The following CCDC169 variants were observed in gnomAD, a reference collection of about 807,000 sequenced individuals.
The protein encoded by CCDC169 is coiled-coil domain-containing protein 169.
Under a neutral mutation model 36.0 loss-of-function variants are expected in CCDC169, and 30 were observed. That is an observed-to-expected ratio of 0.83 (90% CI 0.62 to 1.13). The LOEUF is 1.13. Among genes scored for constraint, CCDC169 ranks in the 50% most tolerant of loss-of-function variants. The probability of loss-of-function intolerance (pLI) is 0.00; values close to 1 mark genes in which losing one functional copy is unlikely to be tolerated. For missense variants in CCDC169, 245 were observed against 245.9 expected (o/e 1.00, Z 0.03); for synonymous variants, 85 against 81.5 (o/e 1.04, Z -0.23).
intron 2 of CCDC169, among the ~76,000 whole-genome samples, chr13:36,292,622 T>C (rs919825497): frequency 6.6e-6 from 1 of 152,142 alleles, no homozygotes. Flanking sequence ...ACAAGCAAGA[T>C]CAAACAATAA....
intron 4 of CCDC169, among the ~76,000 whole-genome samples, chr13:36,262,166 A>G (rs1267133345): frequency 6.6e-6 from 1 of 152,016 alleles, no homozygotes; most frequent in Non-Finnish European, 1.5e-5. Flanking sequence ...TAACAATTAA[A>G]CCTCCTCTGC....
intron 4 of CCDC169, chr13:36,274,451 TA>T (rs1419130856): frequency 6.6e-6 from 1 of 152,168 alleles, no homozygotes; most frequent in Non-Finnish European, 1.5e-5. Context: ...GTTCATAACT[TA>T]ATGTTCTTGA....
At chr13:36,274,289 T>G (rs1325050736) in intron 4 of CCDC169, 1 of 152,200 alleles carries the variant, frequency 6.6e-6, no homozygotes, top group Non-Finnish European at 1.5e-5. Context: ...TATCCACTTA[T>G]AAATATACAT....
At chr13:36,263,728 C>G (rs964751908) in intron 4 of CCDC169, among the ~76,000 whole-genome samples, 7 of 152,256 alleles carry the variant, frequency 4.6e-5, no homozygotes, top group Admixed American at 1.3e-4. Context: ...TAATTACACA[C>G]TAGTATCATG....
downstream of CCDC169, chr13:36,227,033 C>G (rs1869912883): frequency 2.3e-6 from 1 of 431,612 alleles, no homozygotes; most frequent in South Asian, 9.4e-5. Flanking sequence ...AAGGTGAAGT[C>G]AGCTCGAGGA....
intron 2 of CCDC169, among the ~76,000 whole-genome samples, chr13:36,291,176 T>C (rs1878843407): frequency 6.6e-6 from 1 of 152,158 alleles, no homozygotes; most frequent in South Asian, 2.1e-4. Context: ...AAAATAGAGA[T>C]CACATAAGAC....
intron 7 of CCDC169, among the ~76,000 whole-genome samples, chr13:36,234,647 T>C (rs546724998): frequency 1.3e-5 from 2 of 152,192 alleles, no homozygotes; most frequent in South Asian, 2.1e-4. Flanking sequence ...TCAGAAACTA[T>C]GAAGGCCTGA....
intron 7 of CCDC169, among the ~76,000 whole-genome samples, chr13:36,247,568 C>T (rs1872659250): frequency 6.6e-6 from 1 of 152,124 alleles, no homozygotes; most frequent in South Asian, 2.1e-4. Context: ...GGGTGCAAGA[C>T]TTCAGTGGAG....
chr13:36,242,174 C>A (rs1464578004), intron 7 of CCDC169, among the ~76,000 whole-genome samples: 1 of 152,146 alleles, frequency 6.6e-6, no homozygotes, highest in African/African-American at 2.4e-5. Flanking sequence ...AGTGTGAAAA[C>A]AAACTAATAC....
chr13:36,269,978 G>A (rs1240238363), intron 4 of CCDC169, among the ~76,000 whole-genome samples: 6 of 152,122 alleles, frequency 3.9e-5, no homozygotes, highest in East Asian at 1.9e-4. Flanking sequence ...AGAGGAATCC[G>A]AACTATTGCT....
intron 2 of CCDC169, among the ~76,000 whole-genome samples, chr13:36,292,844 C>G (rs993691467): frequency 6.6e-6 from 1 of 152,054 alleles, no homozygotes; most frequent in Non-Finnish European, 1.5e-5. Context: ...AGAGGGCCAT[C>G]ACTACAGTGA....
chr13:36,240,750 G>T, intron 7 of CCDC169: 1 of 525,198 alleles, frequency 1.9e-6, no homozygotes, highest in South Asian at 1.9e-5. Context: ...CTATTCCTGT[G>T]GTATCAGTTT....
intron 4 of CCDC169, among the ~76,000 whole-genome samples, chr13:36,267,749 G>T (rs1047250245): frequency 2.0e-5 from 3 of 151,206 alleles, no homozygotes; most frequent in African/African-American, 7.3e-5. Context: ...AAGGTAAAAG[G>T]GTGCAAAAAG....
At chr13:36,266,702 A>G (rs1875364721) in intron 4 of CCDC169, among the ~76,000 whole-genome samples, 1 of 152,182 alleles carries the variant, frequency 6.6e-6, no homozygotes. Context: ...TAGGGTGTCA[A>G]TACAACTTAG....
At chr13:36,251,779 G>A (rs1294231287) in intron 6 of CCDC169, among the ~76,000 whole-genome samples, 1 of 152,124 alleles carries the variant, frequency 6.6e-6, no homozygotes, top group African/African-American at 2.4e-5. Context: ...AGCAATAAGG[G>A]ACCAAGAGGA....
chr13:36,231,870 A>T (rs1457952196), intron 7 of CCDC169, among the ~76,000 whole-genome samples: 1 of 152,006 alleles, frequency 6.6e-6, no homozygotes, highest in Non-Finnish European at 1.5e-5. Flanking sequence ...CATATATTGT[A>T]ATTTTGTTTT....
intron 4 of CCDC169, among the ~76,000 whole-genome samples, chr13:36,262,356 G>A (rs1874711168): frequency 6.6e-6 from 1 of 152,128 alleles, no homozygotes; most frequent in Admixed American, 6.5e-5. Context: ...GATCAATGAT[G>A]AACACCTCCA....
chr13:36,228,600 C>T (rs1870094495), downstream of CCDC169, among the ~76,000 whole-genome samples: 1 of 152,000 alleles, frequency 6.6e-6, no homozygotes, highest in East Asian at 1.9e-4. Flanking sequence ...TACTCTGTTG[C>T]CCACGCTGGA....
intron 2 of CCDC169, among the ~76,000 whole-genome samples, chr13:36,285,033 A>T (rs1282169135): frequency 6.6e-6 from 1 of 152,230 alleles, no homozygotes; most frequent in African/African-American, 2.4e-5. Flanking sequence ...GCTCAACTGT[A>T]TGGAATCATC....
Sources: gnomAD v4.1 joint callset for allele counts (sites outside exome capture counted in the v4.1 genomes callset) on GRCh38, gnomAD v4.1.1 for gene constraint, MANE v1.5 for transcripts, NCBI Gene and HGNC (gene_info 2026-07-23, HGNC 2026-07-21) for gene names.